The following LRMDA variants were observed in gnomAD, a reference collection of about 807,000 sequenced individuals.
LRMDA encodes leucine rich melanocyte differentiation associated, also known as leucine-rich melanocyte differentiation-associated protein.
A neutral mutation model predicts 29.8 loss-of-function variants in LRMDA; 18 were observed. That is an observed-to-expected ratio of 0.60 (90% CI 0.42 to 0.90). The LOEUF (loss-of-function observed/expected upper bound fraction) is 0.90. Among genes scored for constraint, LRMDA ranks in the 40% least tolerant of loss-of-function variants. The pLI is 0.00. For synonymous variants in LRMDA, 125 were observed against 109.4 expected, an observed-to-expected ratio of 1.14 and a Z score of -0.89; for missense variants, 273 against 273.9, an observed-to-expected ratio of 1.00 and a Z score of 0.02.
At chr10:76,240,935 A>G (rs1403483819) in intron 5 of LRMDA, among the ~76,000 whole-genome samples, 4 of 151,974 alleles carry the variant, frequency 2.6e-5, no homozygotes, top group Non-Finnish European at 5.9e-5. Context: ...TTAGCCATAA[A>G]AAGGAATGAA....
chr10:76,194,774 G>A (rs1422678609), intron 5 of LRMDA, among the ~76,000 whole-genome samples: 1 of 152,126 alleles, frequency 6.6e-6, no homozygotes, highest in African/African-American at 2.4e-5. Context: ...CCAGAAAGGA[G>A]TTATATGAAA....
chr10:75,955,333 C>A (rs1846646148), intron 2 of LRMDA, among the ~76,000 whole-genome samples: 1 of 152,182 alleles, frequency 6.6e-6, no homozygotes, highest in Non-Finnish European at 1.5e-5. Flanking sequence ...AGCCTCCATG[C>A]TCCACAAACA....
At chr10:76,053,807 A>G (rs1234573089) in intron 4 of LRMDA, among the ~76,000 whole-genome samples, 1 of 152,178 alleles carries the variant, frequency 6.6e-6, no homozygotes, top group East Asian at 1.9e-4. Context: ...CTAATTTCAA[A>G]GCTATTATTC....
At chr10:76,256,756 C>A (rs867982313) in intron 5 of LRMDA, among the ~76,000 whole-genome samples, 1 of 152,148 alleles carries the variant, frequency 6.6e-6, no homozygotes. Flanking sequence ...AAAAGTTTAT[C>A]TTTTAAGACA....
chr10:75,951,516 T>C (rs149477470), intron 2 of LRMDA, among the ~76,000 whole-genome samples: 59 of 152,256 alleles, frequency 3.9e-4, no homozygotes, highest in African/African-American at 1.3e-3. Context: ...CCTCTAGCAA[T>C]GGAAAGCCCA....
chr10:76,281,242 G>T (rs979505103), intron 5 of LRMDA, among the ~76,000 whole-genome samples: 17 of 152,170 alleles, frequency 1.1e-4, no homozygotes, highest in African/African-American at 4.1e-4. Flanking sequence ...GGAAGTATAT[G>T]GGAACAGACC....
intron 5 of LRMDA, among the ~76,000 whole-genome samples, chr10:76,081,245 G>A (rs985229459): frequency 6.6e-6 from 1 of 152,180 alleles, no homozygotes; most frequent in Admixed American, 6.5e-5. Context: ...GGAGGCCAAG[G>A]TGGGAGGATT....
intron 2 of LRMDA, among the ~76,000 whole-genome samples, chr10:75,939,161 C>T (rs1403962567): frequency 6.6e-6 from 1 of 152,116 alleles, no homozygotes; most frequent in Admixed American, 6.6e-5. Context: ...TGAAGTGATA[C>T]CTTCCAGTGG....
chr10:75,691,362 A>G (rs1357836034), intron 2 of LRMDA, among the ~76,000 whole-genome samples: 1 of 151,486 alleles, frequency 6.6e-6, no homozygotes, highest in Non-Finnish European at 1.5e-5. Context: ...CTAATATAGC[A>G]TAGGTATCAG....
chr10:76,314,848 C>T (rs191457921), intron 5 of LRMDA, among the ~76,000 whole-genome samples: 3 of 152,314 alleles, frequency 2.0e-5, no homozygotes, highest in Admixed American at 6.5e-5. Context: ...AATTTGTCTA[C>T]ATCGCACAGC....
At chr10:76,052,037 G>T (rs143923057) in intron 4 of LRMDA, among the ~76,000 whole-genome samples, 27 of 152,324 alleles carry the variant, frequency 1.8e-4, no homozygotes, top group African/African-American at 6.5e-4. Flanking sequence ...CTAGTCAACA[G>T]TGAGGAAGCA....
At chr10:76,325,829 G>A (rs1840827494) in intron 6 of LRMDA, among the ~76,000 whole-genome samples, 1 of 152,084 alleles carries the variant, frequency 6.6e-6, no homozygotes, top group African/African-American at 2.4e-5. Context: ...TAGGAATAGG[G>A]CAAATATCAT....
intron 5 of LRMDA, among the ~76,000 whole-genome samples, chr10:76,144,887 G>A (rs2132155748): frequency 6.6e-6 from 1 of 152,254 alleles, no homozygotes; most frequent in South Asian, 2.1e-4. Flanking sequence ...AATTTATTGA[G>A]AGTTTTTAGC....
intron 2 of LRMDA, among the ~76,000 whole-genome samples, chr10:75,513,268 GCTGTCT>G (rs925513403): frequency 5.3e-5 from 8 of 152,122 alleles, no homozygotes; most frequent in African/African-American, 1.2e-4. Flanking sequence ...GTGCATGCTT[GCTGTCT>G]CTGTCTCTGT....
intron 6 of LRMDA, among the ~76,000 whole-genome samples, chr10:76,374,449 A>T (rs745752599): frequency 2.0e-5 from 3 of 152,202 alleles, no homozygotes; most frequent in Non-Finnish European, 4.4e-5. Context: ...AAAACAGAGC[A>T]TACTGCACAA....
intron 5 of LRMDA, among the ~76,000 whole-genome samples, chr10:76,239,528 A>C (rs1054761224): frequency 6.6e-6 from 1 of 151,728 alleles, no homozygotes; most frequent in Non-Finnish European, 1.5e-5. Context: ...TTTAGTCTTT[A>C]ATCATCTCCC....
At chr10:75,923,568 C>T (rs1408382833) in intron 2 of LRMDA, among the ~76,000 whole-genome samples, 2 of 152,212 alleles carry the variant, frequency 1.3e-5, no homozygotes, top group Admixed American at 6.5e-5. Flanking sequence ...TTCCATCCAG[C>T]TGCACCTAAG....
chr10:76,085,824 G>A (rs754318897), intron 5 of LRMDA, among the ~76,000 whole-genome samples: 4 of 152,044 alleles, frequency 2.6e-5, no homozygotes, highest in East Asian at 3.9e-4. Context: ...CTTCCTCCCC[G>A]CTCTCCCTCA....
chr10:75,517,791 G>C (rs1396224032), intron 2 of LRMDA, among the ~76,000 whole-genome samples: 2 of 152,160 alleles, frequency 1.3e-5, no homozygotes, highest in East Asian at 3.9e-4. Context: ...TTTTCAAAGG[G>C]AATGCTTCCA....
Sources: gnomAD v4.1 joint callset for allele counts (sites outside exome capture counted in the v4.1 genomes callset) on GRCh38, gnomAD v4.1.1 for gene constraint, MANE v1.5 for transcripts, NCBI Gene and HGNC (gene_info 2026-07-23, HGNC 2026-07-21) for gene names.